Variants in SLC30A7 observed in about 807,000 individuals in gnomAD.
SLC30A7 encodes the protein zinc transporter 7.
A neutral mutation model predicts 46.0 loss-of-function variants in SLC30A7; 35 were observed. That is an observed-to-expected ratio of 0.76 (90% CI 0.58 to 1.01). The LOEUF (loss-of-function observed/expected upper bound fraction) is 1.01. Among genes scored for constraint, SLC30A7 ranks in the 50% least tolerant of loss-of-function variants. SLC30A7 has a pLI of 0.00. For missense variants in SLC30A7, 464 were observed against 451.1 expected (o/e 1.03, Z -0.26); for synonymous variants, 147 against 157.8 (o/e 0.93, Z 0.51).
Position 100,896,658 on chromosome 1 carries a change from A to C in SLC30A7, c.169A>C (p.Ile57Leu), listed in dbSNP as rs1239537362. The change falls in exon 2 of 11, where the codon ATC (isoleucine) becomes CTC (leucine). Residue 57 changes from isoleucine to leucine, a missense_variant. Physicochemically the swap from Ile to Leu is conservative, Grantham distance 5 (BLOSUM62 2). Coordinates refer to ENST00000357650, the MANE Select transcript of SLC30A7 (RefSeq NM_133496.5). ...SFAFVELLYG[I>L]WSNCLGLISD... ...CGCTTTTGTGGAACTACTCTACGGC[A>C]TCTGGAGCAACTGGTAACCAAAGGG... 2 of 1,613,946 alleles carry C rather than the reference A, an allele frequency of 1.2e-6. No homozygotes were observed. The highest frequency in any genetic ancestry group is 3.3e-5 in the Admixed American group (2 of 60,014).
Position 100,977,902 on chromosome 1 carries a change from C to A in SLC30A7, c.*3045C>A, listed in dbSNP as rs554254868. 1 of 152,142 alleles carries A rather than the reference C, an allele frequency of 6.6e-6. No individual in the cohort carries two copies. Among genetic ancestry groups the A allele is most frequent in the East Asian group, 1.9e-4 (1 of 5,190 alleles). The allele number at this position is 152,142 out of a possible 1,614,324, so 9.4% of individuals were successfully genotyped here. A position where few individuals can be genotyped will look rare whatever the true frequency, so the allele number is the denominator to read the frequency against. On this transcript the variant is annotated 3_prime_UTR_variant, in exon 11 of 11. Transcript: ENST00000357650. ...CTGAGTAACTGGAATTACAGGTGCA[C>A]GCCACCACGCCCGGCTAATTTTTGT...
intron 8 of SLC30A7, among the ~76,000 whole-genome samples, chr1:100,939,216 T>G (rs1284844864): frequency 6.6e-6 from 1 of 152,086 alleles, no homozygotes; most frequent in African/African-American, 2.4e-5. Context: ...GAGAAAGTAT[T>G]TGAGACTTAG....
At chr1:100,949,684 T>G (rs972079746) in intron 8 of SLC30A7, among the ~76,000 whole-genome samples, 1 of 152,190 alleles carries the variant, frequency 6.6e-6, no homozygotes, top group Admixed American at 6.5e-5. Context: ...TTGAGCTTCC[T>G]GGCTGTTTTG....
chr1:100,918,251 C>A, intron 7 of SLC30A7, 124 bp downstream of exon 7: 2 of 706,822 alleles, frequency 2.8e-6, no homozygotes, highest in South Asian at 2.0e-5. Context: ...TTAGTGTTAG[C>A]CTTTCTAGTG....
rs577577223 is a variant in SLC30A7, at chr1:100,966,316, G to A, written c.1083+398G>A. Among the ~76,000 whole-genome samples, 6 of 151,808 alleles carry A rather than the reference G, an allele frequency of 4.0e-5. No homozygotes were observed. In the East Asian group the frequency reaches 9.7e-4, roughly 25 times the overall value. On this transcript the variant is annotated intron_variant, in intron 10 of 10. Coordinates refer to ENST00000357650, the MANE Select transcript of SLC30A7 (RefSeq NM_133496.5). ...ACCACATTTTTGGCTGGGTGCGGTG[G>A]CTCACACCTGTAATCCCAGTGCTTT...
chr1:100,943,504 T>C (rs1654466479), intron 8 of SLC30A7, among the ~76,000 whole-genome samples: 2 of 152,306 alleles, frequency 1.3e-5, no homozygotes, highest in Non-Finnish European at 1.5e-5. Context: ...GCATGATTGA[T>C]TAATTGGCCA....
At chr1:100,898,279 A>T (rs1459654564) in intron 2 of SLC30A7, among the ~76,000 whole-genome samples, 1 of 152,156 alleles carries the variant, frequency 6.6e-6, no homozygotes, top group Non-Finnish European at 1.5e-5. Context: ...AAGTTCCTAA[A>T]CCACCTTTCA....
In SLC30A7 at chr1:100,978,608, G is replaced by A. The variant is rs1439122336; in HGVS notation, c.*3751G>A. On this transcript the variant is annotated 3_prime_UTR_variant, in exon 11 of 11. Coordinates refer to ENST00000357650, the MANE Select transcript of SLC30A7 (RefSeq NM_133496.5). ...CAAAAAGATTCAGATCTTCTGACTC[G>A]AAGTTGAGAGTTCTTTATACTCTAT... 2.0e-5 allele frequency: 3 copies of A among 152,142 alleles called. No individual in the cohort carries two copies. Among genetic ancestry groups the A allele is most frequent in the Non-Finnish European group, 4.4e-5 (3 of 68,034 alleles). The allele number at this position is 152,142 out of a possible 1,614,324, so 9.4% of individuals were successfully genotyped here.
chr1:100,934,746 A>T (rs187524742), intron 8 of SLC30A7, among the ~76,000 whole-genome samples: 1 of 151,752 alleles, frequency 6.6e-6, no homozygotes, highest in East Asian at 1.9e-4. Flanking sequence ...AGCATTTTAC[A>T]TGTTCTTGTA....
the SLC30A7 span, among the ~76,000 whole-genome samples, chr1:100,992,030 G>A: frequency 1.3e-5 from 2 of 151,832 alleles, no homozygotes; most frequent in African/African-American, 2.4e-5. Flanking sequence ...CCCAGGAGGT[G>A]GAGGCTGCAA....
At chr1:100,935,291 T>C (rs1317892552) in intron 8 of SLC30A7, among the ~76,000 whole-genome samples, 1 of 152,214 alleles carries the variant, frequency 6.6e-6, no homozygotes, top group Non-Finnish European at 1.5e-5. Context: ...AAAACCTGGG[T>C]TCCTCACATA....
chr1:100,971,115 A>G (rs892792744), intron 10 of SLC30A7, among the ~76,000 whole-genome samples: 3 of 152,070 alleles, frequency 2.0e-5, no homozygotes, highest in African/African-American at 7.2e-5. Flanking sequence ...GTTAACACTG[A>G]TACTCAGGAA....
At chr1:100,946,550 T>G (rs1017738604) in intron 8 of SLC30A7, among the ~76,000 whole-genome samples, 1 of 152,166 alleles carries the variant, frequency 6.6e-6, no homozygotes, top group Non-Finnish European at 1.5e-5. Flanking sequence ...AATCATGTGG[T>G]TTTTGTAGTT....
chr1:100,966,069 A>G, intron 10 of SLC30A7, 151 bp downstream of exon 10: 1 of 667,266 alleles, frequency 1.5e-6, no homozygotes, highest in South Asian at 2.0e-5. Context: ...CGTCTCTACA[A>G]AACATAAAAT....
intron 8 of SLC30A7, among the ~76,000 whole-genome samples, chr1:100,946,117 A>G (rs954541939): frequency 5.3e-5 from 8 of 152,216 alleles, no homozygotes; most frequent in Non-Finnish European, 1.0e-4. Flanking sequence ...AATGCTTGTG[A>G]TTTTTGCACA....
At chr1:100,897,018 G>T (rs1248711486) in intron 2 of SLC30A7, among the ~76,000 whole-genome samples, 1 of 151,822 alleles carries the variant, frequency 6.6e-6, no homozygotes, top group Non-Finnish European at 1.5e-5. Context: ...CTTGTTTGCT[G>T]CCTCTCTCGG....
intron 10 of SLC30A7, among the ~76,000 whole-genome samples, chr1:100,966,945 C>A (rs1655905040): frequency 6.6e-6 from 1 of 152,140 alleles, no homozygotes; most frequent in Admixed American, 6.5e-5. Flanking sequence ...CATTTGGAAT[C>A]ATGAATTAGT....
chr1:100,982,311 T>C (rs922923785), downstream of SLC30A7, among the ~76,000 whole-genome samples: 9 of 152,218 alleles, frequency 5.9e-5, no homozygotes, highest in Non-Finnish European at 1.2e-4. Context: ...TGGTCTACAT[T>C]TGCTGCTTCT....
the SLC30A7 span, among the ~76,000 whole-genome samples, chr1:100,993,559 A>T: frequency 7.1e-3 from 395 of 55,956 alleles, no homozygotes; most frequent in East Asian, 0.011. Context: ...CGAAAATATA[A>T]ATATATATAT....
Sources: gnomAD v4.1 joint callset for allele counts (sites outside exome capture counted in the v4.1 genomes callset) on GRCh38, gnomAD v4.1.1 for gene constraint, MANE v1.5 for transcripts, NCBI Gene and HGNC (gene_info 2026-07-23, HGNC 2026-07-21) for gene names.